The following GRIN2A variants were observed in gnomAD, a reference collection of about 807,000 sequenced individuals.
GRIN2A encodes glutamate receptor ionotropic, NMDA 2A.
In GRIN2A, 22 loss-of-function variants were observed where a neutral mutation model predicts 113.4. That is an observed-to-expected ratio of 0.19 (90% confidence interval 0.14 to 0.28). The LOEUF (loss-of-function observed/expected upper bound fraction) is 0.28, where lower values mean the gene tolerates loss of function less well. Ranked by LOEUF, GRIN2A falls within the 10% of genes least tolerant of loss-of-function variation. The probability of loss-of-function intolerance (pLI) is 1.00; values close to 1 mark genes in which losing one functional copy is unlikely to be tolerated. For missense variants in GRIN2A, 1,502 were observed against 1,887.0 expected, an observed-to-expected ratio of 0.80 and a Z score of 3.78; for synonymous variants, 827 against 738.4, an observed-to-expected ratio of 1.12 and a Z score of -1.94.
chr16:10,116,315 G>C (rs898917772), intron 2 of GRIN2A, among the ~76,000 whole-genome samples: 2 of 152,182 alleles, frequency 1.3e-5, no homozygotes, highest in Admixed American at 6.5e-5. Context: ...AGAGTCTGTT[G>C]GTGGTGGGGA....
intron 2 of GRIN2A, among the ~76,000 whole-genome samples, chr16:9,979,410 G>C (rs1395736811): frequency 2.0e-5 from 3 of 152,122 alleles, no homozygotes; most frequent in Non-Finnish European, 2.9e-5. Flanking sequence ...TCTTCGCACT[G>C]TCTGTTCCCT....
intron 2 of GRIN2A, among the ~76,000 whole-genome samples, chr16:10,015,725 A>G (rs2046597142): frequency 6.6e-6 from 1 of 152,216 alleles, no homozygotes; most frequent in Non-Finnish European, 1.5e-5. Context: ...CATACTATTT[A>G]CGAGGTGATG....
chr16:9,974,532 T>A (rs969475517), intron 2 of GRIN2A, among the ~76,000 whole-genome samples: 5 of 152,172 alleles, frequency 3.3e-5, no homozygotes, highest in African/African-American at 1.2e-4. Context: ...GGACAGGAAT[T>A]GCTCAGTCGG....
chr16:10,096,777 C>G (rs1200601854), intron 2 of GRIN2A, among the ~76,000 whole-genome samples: 2 of 152,124 alleles, frequency 1.3e-5, no homozygotes, highest in African/African-American at 4.8e-5. Flanking sequence ...TGTACTTCCC[C>G]TACTGGTCAG....
intron 2 of GRIN2A, among the ~76,000 whole-genome samples, chr16:10,110,327 G>A (rs1488230277): frequency 2.0e-5 from 3 of 152,176 alleles, no homozygotes; most frequent in Non-Finnish European, 4.4e-5. Flanking sequence ...GAATAGACAA[G>A]GCTAGATCAC....
At chr16:10,057,084 A>G (rs1406295424) in intron 2 of GRIN2A, among the ~76,000 whole-genome samples, 1 of 151,540 alleles carries the variant, frequency 6.6e-6, no homozygotes, top group Admixed American at 6.6e-5. Context: ...ATTCCATCCA[A>G]CCATGCATCC....
intron 2 of GRIN2A, among the ~76,000 whole-genome samples, chr16:9,950,042 G>C (rs1347656874): frequency 1.3e-5 from 2 of 152,110 alleles, no homozygotes; most frequent in Admixed American, 1.3e-4. Context: ...TTCTGAGGAG[G>C]GTTGGGCTGG....
chr16:9,857,947 T>C (rs1354392190), intron 4 of GRIN2A, among the ~76,000 whole-genome samples: 1 of 152,248 alleles, frequency 6.6e-6, no homozygotes, highest in Non-Finnish European at 1.5e-5. Flanking sequence ...GGTTTCACAA[T>C]AGCCTTATGC....
At chr16:9,973,881 T>C (rs1038548325) in intron 2 of GRIN2A, among the ~76,000 whole-genome samples, 4 of 152,174 alleles carry the variant, frequency 2.6e-5, no homozygotes, top group African/African-American at 4.8e-5. Flanking sequence ...AGAGAATTCA[T>C]TTCCAGCAGA....
chr16:9,924,631 A>G (rs772192305), intron 3 of GRIN2A, among the ~76,000 whole-genome samples: 1 of 152,182 alleles, frequency 6.6e-6, no homozygotes, highest in Non-Finnish European at 1.5e-5. Context: ...TATTTTTCCA[A>G]AATTCTTCCT....
At chr16:10,037,582 A>G (rs1475784967) in intron 2 of GRIN2A, among the ~76,000 whole-genome samples, 3 of 152,130 alleles carry the variant, frequency 2.0e-5, no homozygotes, top group Non-Finnish European at 4.4e-5. Flanking sequence ...AAGGGTCTTC[A>G]TTCATCTCCA....
intron 2 of GRIN2A, among the ~76,000 whole-genome samples, chr16:10,046,924 C>T (rs577505072): frequency 1.3e-5 from 2 of 152,238 alleles, no homozygotes; most frequent in South Asian, 4.2e-4. Context: ...AGTTGCTCTA[C>T]CTTAGTGCTG....
intron 2 of GRIN2A, chr16:10,111,586 C>T (rs1202874267): frequency 8.3e-6 from 8 of 963,416 alleles, no homozygotes; most frequent in African/African-American, 1.6e-5. Context: ...GATCTCTTCC[C>T]CTATGGACAC....
chr16:9,786,781 C>A (rs1902255343), intron 11 of GRIN2A, among the ~76,000 whole-genome samples: 1 of 152,212 alleles, frequency 6.6e-6, no homozygotes, highest in South Asian at 2.1e-4. Flanking sequence ...ACTTAACTGA[C>A]CTGTGACTCA....
intron 10 of GRIN2A, among the ~76,000 whole-genome samples, chr16:9,815,452 G>A (rs1307137467): frequency 2.8e-5 from 4 of 145,116 alleles, no homozygotes; most frequent in Non-Finnish European, 4.5e-5. Context: ...CAACCCAAAT[G>A]TAAAATGGCC....
chr16:9,972,614 TAAAG>T (rs1247646953), intron 2 of GRIN2A, among the ~76,000 whole-genome samples: 1 of 152,074 alleles, frequency 6.6e-6, no homozygotes, highest in Non-Finnish European at 1.5e-5. Flanking sequence ...ATATCTGAAA[TAAAG>T]AATTTACTGG....
At chr16:10,025,772 C>T (rs898174322) in intron 2 of GRIN2A, among the ~76,000 whole-genome samples, 1 of 152,144 alleles carries the variant, frequency 6.6e-6, no homozygotes, top group African/African-American at 2.4e-5. Flanking sequence ...CTGGCAGAGA[C>T]AGGCAGGCTA....
At chr16:10,026,425 TC>T (rs776499875) in intron 2 of GRIN2A, among the ~76,000 whole-genome samples, 1 of 152,062 alleles carries the variant, frequency 6.6e-6, no homozygotes, top group Non-Finnish European at 1.5e-5. Flanking sequence ...GCATTTCCTT[TC>T]TCTGCATCTT....
chr16:10,164,302 C>G lies in GRIN2A; in HGVS notation c.414+15696G>C, dbSNP rs541774717. Among the ~76,000 whole-genome samples, 68 of 152,368 alleles carry G rather than the reference C, an allele frequency of 4.5e-4. 1 individual carries two copies. The highest frequency in any genetic ancestry group is 1.6e-3 in the African/African-American group (67 of 41,584). On this transcript the variant is annotated intron_variant, in intron 2 of 12. Coordinates refer to ENST00000330684, the MANE Select transcript of GRIN2A (RefSeq NM_001134407.3). ...GTCTGTAAGTGGCACGGACACTCAG[C>G]TAGACTGGCAAAGCAGAATATCTGT...
Sources: gnomAD v4.1 joint callset for allele counts (sites outside exome capture counted in the v4.1 genomes callset) on GRCh38, gnomAD v4.1.1 for gene constraint, MANE v1.5 for transcripts, NCBI Gene and HGNC (gene_info 2026-07-23, HGNC 2026-07-21) for gene names.